COQ2: variants seen among roughly 807,000 people sequenced by gnomAD.
COQ2 encodes the protein 4-hydroxybenzoate polyprenyltransferase, mitochondrial.
Under a neutral mutation model 35.7 loss-of-function variants are expected in COQ2, and 25 were observed. That is an observed-to-expected ratio of 0.70 (90% CI 0.51 to 0.98). The LOEUF (loss-of-function observed/expected upper bound fraction) is 0.98. COQ2 is among the 50% of genes least tolerant of loss of function. The pLI is 0.00. For synonymous variants in COQ2, 206 were observed against 186.2 expected (o/e 1.11, Z -0.86); for missense variants, 488 against 473.5 (o/e 1.03, Z -0.28).
At chr4:83,275,269 A>C (rs1735139644) in intron 2 of COQ2, among the ~76,000 whole-genome samples, 1 of 152,150 alleles carries the variant, frequency 6.6e-6, no homozygotes, top group African/African-American at 2.4e-5. Context: ...GAGACTATGA[A>C]TCTTATTTAA....
rs552431246 is a variant in COQ2, at chr4:83,264,155, T to C, written c.*44A>G. The C allele has an allele frequency of 5.0e-5, 49 of 976,946 alleles. No individual in the cohort carries two copies. In the South Asian group the frequency reaches 8.1e-4, roughly 16 times the overall value. The allele number at this position is 976,946 out of a possible 1,614,324, so 60.5% of individuals were successfully genotyped here. ...GATTTTGTATTCAAATCTAATTATA[T>C]TTTGTAAAAAATGTTTTAAAAATTC... On this transcript the variant is annotated 3_prime_UTR_variant, in exon 7 of 7. Transcript: ENST00000647002.
At chr4:83,264,474 T>C in intron 6 of COQ2, 111 bp from the exon 7 acceptor site, 1 of 1,444,752 alleles carries the variant, frequency 6.9e-7, no homozygotes, top group Non-Finnish European at 9.1e-7. Flanking sequence ...AATACAAATA[T>C]AAAAAATGAA....
At chr4:83,268,852 A>G (rs946872148) in intron 5 of COQ2, among the ~76,000 whole-genome samples, 1 of 152,316 alleles carries the variant, frequency 6.6e-6, no homozygotes, top group Non-Finnish European at 1.5e-5. Context: ...CAAGTAAATG[A>G]CTGAGAATAT....
intron 5 of COQ2, among the ~76,000 whole-genome samples, chr4:83,268,688 C>T (rs1365279296): frequency 6.6e-6 from 1 of 152,194 alleles, no homozygotes; most frequent in Non-Finnish European, 1.5e-5. Flanking sequence ...CCAGACCTTA[C>T]CGCAAAAAGT....
At position 83,272,093 on chromosome 4, in the gene COQ2, C is replaced by T; in HGVS notation, c.622G>A (p.Ala208Thr). 6.2e-7 allele frequency: 1 copy of T among 1,601,242 alleles called. No homozygotes were observed. The highest frequency in any genetic ancestry group is 8.5e-7 in the Non-Finnish European group (1 of 1,172,208). The change falls in exon 4 of 7, where the codon GCC becomes ACC. Residue 208 changes from alanine to threonine, a missense_variant. Ala to Thr is a moderately conservative substitution (Grantham distance 58). Coordinates refer to ENST00000647002, the MANE Select transcript of COQ2 (RefSeq NM_001358921.2). ...TTAGTTATTGTAAGCTCACCCAAGG[C>T]TAGTTGAGGCCAGTATGAAATTCTT... is the stretch of plus-strand genomic sequence containing the variant. The part of the protein sequence containing the change: ...MKRISYWPQL[A>T]LGLTFNWGAL...
intron 4 of COQ2, 74 bp downstream of exon 4, chr4:83,272,013 C>A: frequency 1.1e-6 from 1 of 924,664 alleles, no homozygotes; most frequent in South Asian, 1.7e-5. Context: ...TCATCTTTAC[C>A]TATTTACCTA....
At chr4:83,284,057 C>A (rs1314665669) in intron 1 of COQ2, 12 of 985,330 alleles carry the variant, frequency 1.2e-5, no homozygotes, top group Middle Eastern at 1.0e-3. Context: ...AGCGTCTTAA[C>A]TGTCTTAAGG....
chr4:83,284,533 T>G lies in COQ2; in HGVS notation c.232A>C (p.Met78Leu), dbSNP rs778094136. The change falls in exon 1 of 7, where the codon ATG becomes CTG. Residue 78 changes from methionine to leucine, a missense_variant. Coordinates refer to ENST00000647002, the MANE Select transcript of COQ2 (RefSeq NM_001358921.2). ...TCACCAATGGGCTTGTCCAACCGCA[T>G]GAGGCGCAAGTACGGCTGCAGGGGG... The part of the protein sequence containing the change: ...PRPLQPYLRL[M>L]RLDKPIGTWL... The G allele has an allele frequency of 8.2e-6, 13 of 1,576,378 alleles. No individual in the cohort carries two copies. The highest frequency in any genetic ancestry group is 4.1e-5 in the African/African-American group (3 of 72,954).
Position 83,273,605 on chromosome 4 carries a change from C to T in COQ2, c.433G>A (p.Ala145Thr). ...QDYDKKVTRT[A>T]NRPIAAGDIS... ...TCTCCAGCGGCTATTGGACGATTGG[C>T]TGTTCTTGTAACCTTAAAACATAAA... Residue 145 changes from alanine (A) to threonine (T), a missense_variant, in exon 3 of 7, where the codon GCC (alanine) becomes ACC (threonine). By Grantham distance (58) the Ala-to-Thr change is moderately conservative. Coordinates refer to ENST00000647002, the MANE Select transcript of COQ2 (RefSeq NM_001358921.2). The T allele has an allele frequency of 1.2e-6, 2 of 1,613,392 alleles. No individual in the cohort carries two copies. The highest frequency in any genetic ancestry group is 8.5e-7 in the Non-Finnish European group (1 of 1,179,680).
At position 83,264,336 on chromosome 4, in the gene COQ2, C is replaced by T. The variant is rs1336502926; in HGVS notation, c.979G>A (p.Glu327Lys). The change falls in exon 7 of 7, where the codon GAG (glutamate) becomes AAG (lysine). Residue 327 changes from glutamate (E) to lysine (K), a missense_variant. Physicochemically the swap from Glu to Lys is moderately conservative, Grantham distance 56. Transcript: ENST00000647002. The stretch of plus-strand genomic sequence containing the variant: ...GAGATAAATTTATTCCAACAATCCT[C>T]AGGTCTGTGGATGTCTAGAGTGTAA... ...QIYTLDIHRP[E>K]DCWNKFISNR... The T allele has an allele frequency of 6.2e-7, 1 of 1,612,338 alleles. No homozygotes were observed.
rs746905594 is a variant in COQ2 at position 83,273,549 on chromosome 4, A to C, written c.489T>G (p.Leu163=). Residue 163 remains leucine, a synonymous_variant, in exon 3 of 7, where the codon CTT becomes CTG. Transcript: ENST00000647002. ...CCAGTGCCAGGGTTAGCTGTCCCCC[A>C]AGAAAAACAAAGGACTGAAAAGTTG... ...DISTFQSFVF[L]GGQLTLALGV... is the part of the protein sequence containing the mutation. 9.9e-6 allele frequency: 16 copies of C among 1,613,830 alleles called. No individual in the cohort carries two copies. Among genetic ancestry groups the C allele is most frequent in the Non-Finnish European group, 1.4e-5 (16 of 1,179,788 alleles).
intron 2 of COQ2, among the ~76,000 whole-genome samples, chr4:83,274,582 T>C (rs1007852680): frequency 6.6e-6 from 1 of 152,210 alleles, no homozygotes; most frequent in Non-Finnish European, 1.5e-5. Flanking sequence ...GTGCTTTTCG[T>C]ATTTCTCACA....
intron 2 of COQ2, among the ~76,000 whole-genome samples, chr4:83,276,385 G>GTTCAATTATTC (rs1222043938): frequency 3.9e-5 from 6 of 152,012 alleles, no homozygotes; most frequent in African/African-American, 1.2e-4. Context: ...CTATGCAGAA[G>GTTCAATTATTC]CTTTTTAGTT....
chr4:83,283,990 A>G, intron 1 of COQ2: 4 of 985,458 alleles, frequency 4.1e-6, no homozygotes, highest in African/African-American at 1.7e-5. Flanking sequence ...GCTCCGACTC[A>G]GCATCAAAAC....
intron 1 of COQ2, chr4:83,282,456 A>T (rs11724659): frequency 0.2 from 31,223 of 158,032 alleles, 3,715 homozygotes; most frequent in Middle Eastern, 0.3. Flanking sequence ...GGCATATGGT[A>T]GGGGTTCAAA....
intron 1 of COQ2, 141 bp downstream of exon 1, chr4:83,284,371 G>A (rs1426433951): frequency 2.8e-6 from 4 of 1,404,444 alleles, no homozygotes; most frequent in Non-Finnish European, 3.7e-6. Context: ...GCCCCAGGGC[G>A]CACGGCACCC....
chr4:83,271,121 G>C (rs1378333756), intron 4 of COQ2, among the ~76,000 whole-genome samples: 1 of 152,136 alleles, frequency 6.6e-6, no homozygotes, highest in African/African-American at 2.4e-5. Flanking sequence ...TCTGGGAATA[G>C]ATATTTTTGC....
intron 4 of COQ2, among the ~76,000 whole-genome samples, chr4:83,271,345 A>T (rs1003487522): frequency 7.2e-5 from 11 of 152,150 alleles, no homozygotes; most frequent in African/African-American, 2.4e-4. Flanking sequence ...CCCAGAAGAG[A>T]CTGTCTAACT....
At chr4:83,282,638 C>T (rs534471409) in intron 1 of COQ2, 25 of 533,590 alleles carry the variant, frequency 4.7e-5, no homozygotes, top group Non-Finnish European at 5.8e-5. Context: ...GCTATTTCTT[C>T]AGCACATATT....
Sources: allele counts gnomAD v4.1 joint callset (sites outside exome capture counted in the v4.1 genomes callset), GRCh38; gene constraint gnomAD v4.1.1; transcripts MANE v1.5; gene names NCBI Gene and HGNC (gene_info 2026-07-23, HGNC 2026-07-21).